The following HDAC9 variants were observed in gnomAD, a reference collection of about 807,000 sequenced individuals.
HDAC9 encodes histone deacetylase 9, also known as MEF-2 interacting transcription repressor (MITR) protein.
HDAC9 carries 41 observed loss-of-function variants against 139.4 expected under a neutral mutation model. The observed-to-expected ratio is 0.29, with a 90% confidence interval of 0.23 to 0.38. HDAC9 has a LOEUF of 0.38. Among genes scored for constraint, HDAC9 ranks in the 10% least tolerant of loss-of-function variants. HDAC9 has a pLI of 1.00. For missense variants in HDAC9, 1,147 were observed against 1,297.0 expected (o/e 0.88, Z 1.78); for synonymous variants, 517 against 476.2 (o/e 1.09, Z -1.12).
chr7:18,881,989 G>T (rs12113191), intron 22 of HDAC9, among the ~76,000 whole-genome samples: 5 of 151,968 alleles, frequency 3.3e-5, no homozygotes, highest in Non-Finnish European at 7.4e-5. Flanking sequence ...TTAATTCTTC[G>T]AAGTATTGTC....
At chr7:18,199,873 T>C (rs1790993127) in intron 2 of HDAC9, among the ~76,000 whole-genome samples, 1 of 151,254 alleles carries the variant, frequency 6.6e-6, no homozygotes, top group Non-Finnish European at 1.5e-5. Flanking sequence ...GAGGCTGCAG[T>C]GAGCTATGAT....
intron 1 of HDAC9, among the ~76,000 whole-genome samples, chr7:18,375,080 G>A (rs79089931): frequency 0.063 from 9,667 of 152,246 alleles, 591 homozygotes; most frequent in African/African-American, 0.16. Flanking sequence ...ATGTGGTTAT[G>A]TAAACAAAGT....
At chr7:18,132,893 T>G (rs1373296650) in intron 1 of HDAC9, among the ~76,000 whole-genome samples, 1 of 151,900 alleles carries the variant, frequency 6.6e-6, no homozygotes, top group African/African-American at 2.4e-5. Context: ...TAAAGTGACT[T>G]ATTTTTTATT....
chr7:18,452,394 GGCTC>G (rs1792954832), intron 1 of HDAC9, among the ~76,000 whole-genome samples: 1 of 152,140 alleles, frequency 6.6e-6, no homozygotes, highest in South Asian at 2.1e-4. Flanking sequence ...TGGAAGTTGA[GGCTC>G]ATGTCTTCCA....
chr7:18,390,980 T>C (rs1786421441), intron 1 of HDAC9, among the ~76,000 whole-genome samples: 1 of 151,888 alleles, frequency 6.6e-6, no homozygotes, highest in Non-Finnish European at 1.5e-5. Flanking sequence ...TCCCAGCTAC[T>C]AGGGAGACTG....
chr7:18,739,608 A>T (rs111667647), intron 13 of HDAC9, among the ~76,000 whole-genome samples: 1 of 152,130 alleles, frequency 6.6e-6, no homozygotes, highest in Admixed American at 6.5e-5. Flanking sequence ...CAGAACAGCA[A>T]ATATTGCAGC....
At chr7:18,728,573 A>G (rs1432768837) in intron 13 of HDAC9, among the ~76,000 whole-genome samples, 1 of 152,174 alleles carries the variant, frequency 6.6e-6, no homozygotes, top group African/African-American at 2.4e-5. Flanking sequence ...AATGAAATAT[A>G]TTGTAGCCCT....
chr7:18,170,289 A>C (rs1788326847), intron 2 of HDAC9, among the ~76,000 whole-genome samples: 1 of 152,026 alleles, frequency 6.6e-6, no homozygotes, highest in Non-Finnish European at 1.5e-5. Flanking sequence ...TATCCTTTGC[A>C]CACTTTTTGA....
At chr7:18,242,957 C>G (rs528987416) in intron 2 of HDAC9, among the ~76,000 whole-genome samples, 1 of 152,276 alleles carries the variant, frequency 6.6e-6, no homozygotes, top group South Asian at 2.1e-4. Flanking sequence ...ACAATAGATA[C>G]TGAGTGCTCT....
At chr7:18,836,373 C>T (rs1411895471) in intron 21 of HDAC9, among the ~76,000 whole-genome samples, 3 of 152,180 alleles carry the variant, frequency 2.0e-5, no homozygotes, top group African/African-American at 7.2e-5. Flanking sequence ...TCTCAAACTT[C>T]ATTGGACTAC....
intron 1 of HDAC9, among the ~76,000 whole-genome samples, chr7:18,136,781 A>G (rs1009833610): frequency 6.6e-6 from 1 of 151,530 alleles, no homozygotes; most frequent in African/African-American, 2.4e-5. Flanking sequence ...TGACTTGGCG[A>G]TGCGGGCTCT....
chr7:18,863,724 G>GA (rs200295758), intron 21 of HDAC9, among the ~76,000 whole-genome samples: 55 of 152,068 alleles, frequency 3.6e-4, no homozygotes, highest in Admixed American at 3.3e-3. Context: ...GTGTTATGGT[G>GA]AAAAAAAACC....
chr7:18,738,973 T>C (rs1584949321), intron 13 of HDAC9, among the ~76,000 whole-genome samples: 1 of 152,296 alleles, frequency 6.6e-6, no homozygotes, highest in East Asian at 1.9e-4. Context: ...TTACTCTTTT[T>C]TCTCTAACCT....
chr7:18,228,507 C>T (rs1236941579), intron 2 of HDAC9, among the ~76,000 whole-genome samples: 1 of 152,094 alleles, frequency 6.6e-6, no homozygotes, highest in Admixed American at 6.6e-5. Context: ...GAAAAATAAA[C>T]AAATTATATT....
intron 1 of HDAC9, among the ~76,000 whole-genome samples, chr7:18,485,107 AC>A (rs1345518024): frequency 6.6e-6 from 1 of 152,140 alleles, no homozygotes; most frequent in Non-Finnish European, 1.5e-5. Context: ...TGGAGAGAAA[AC>A]ATTAGTTGGG....
At chr7:18,564,911 T>C (rs1821782982) in intron 2 of HDAC9, among the ~76,000 whole-genome samples, 1 of 151,978 alleles carries the variant, frequency 6.6e-6, no homozygotes, top group Non-Finnish European at 1.5e-5. Context: ...GACCACATCT[T>C]AGGCTCTTTC....
At chr7:18,436,716 A>G (rs1044833139) in intron 1 of HDAC9, among the ~76,000 whole-genome samples, 1 of 152,226 alleles carries the variant, frequency 6.6e-6, no homozygotes, top group South Asian at 2.1e-4. Flanking sequence ...GCTTCATTTT[A>G]ATACACAATT....
At chr7:18,268,785 G>A (rs976416689) in intron 2 of HDAC9, among the ~76,000 whole-genome samples, 2 of 152,098 alleles carry the variant, frequency 1.3e-5, no homozygotes, top group East Asian at 3.9e-4. Context: ...TTTACTGATG[G>A]GCTACTTTGA....
At chr7:18,785,017 A>G (rs1275946791) in intron 16 of HDAC9, among the ~76,000 whole-genome samples, 2 of 151,864 alleles carry the variant, frequency 1.3e-5, no homozygotes, top group African/African-American at 4.8e-5. Flanking sequence ...CATAAATTAT[A>G]TGATGTTCCT....
Sources: gnomAD v4.1 joint callset for allele counts (sites outside exome capture counted in the v4.1 genomes callset) on GRCh38, gnomAD v4.1.1 for gene constraint, MANE v1.5 for transcripts, NCBI Gene and HGNC (gene_info 2026-07-23, HGNC 2026-07-21) for gene names.